PLXNA4: variants seen among roughly 807,000 people sequenced by gnomAD.
PLXNA4 encodes plexin A4.
PLXNA4 carries 44 observed loss-of-function variants against 191.8 expected under a neutral mutation model. That is an observed-to-expected ratio of 0.23 (90% CI 0.18 to 0.29). The LOEUF is 0.29. Ranked by LOEUF, PLXNA4 falls within the 10% of genes least tolerant of loss-of-function variation. The pLI is 1.00. For synonymous variants in PLXNA4, 1,082 were observed against 1,009.5 expected (o/e 1.07, Z -1.36); for missense variants, 1,800 against 2,488.8 (o/e 0.72, Z 5.89).
At chr7:132,580,979 G>A (rs926827112), upstream of PLXNA4, among the ~76,000 whole-genome samples, 1 of 152,244 alleles carries the variant, frequency 6.6e-6, no homozygotes, top group African/African-American at 2.4e-5. Context: ...CAGTGACACA[G>A]GTGAGGCCAG....
chr7:132,414,419 C>T (rs1043034439), intron 3 of PLXNA4, among the ~76,000 whole-genome samples: 2 of 152,068 alleles, frequency 1.3e-5, no homozygotes, highest in African/African-American at 2.4e-5. Flanking sequence ...TAAAGACTTC[C>T]GGAGGGGAAA....
intron 3 of PLXNA4, among the ~76,000 whole-genome samples, chr7:132,396,424 G>A (rs1278392594): frequency 2.0e-5 from 3 of 152,310 alleles, no homozygotes; most frequent in Admixed American, 2.0e-4. Flanking sequence ...CCACAGAGAG[G>A]TTAAGTAGCA....
chr7:132,164,560 C>A (rs1796043549), intron 23 of PLXNA4, among the ~76,000 whole-genome samples: 1 of 152,168 alleles, frequency 6.6e-6, no homozygotes, highest in Non-Finnish European at 1.5e-5. Flanking sequence ...TCTTCCTCCC[C>A]CGCTCCCCTC....
At position 132,255,564 on chromosome 7, in the gene PLXNA4, T is replaced by G. The variant is rs185703626; in HGVS notation, c.1504-14398A>C. On this transcript the variant is annotated intron_variant, in intron 4 of 31. Coordinates refer to ENST00000321063, the MANE Select transcript of PLXNA4 (RefSeq NM_020911.2). ...TTTCCAGATGTGTCCCTGTGATTGC[T>G]GAATACTTCAGCCCTCAGTTACCAT... Among the ~76,000 whole-genome samples, 14 of 152,356 alleles carry G rather than the reference T, an allele frequency of 9.2e-5. No homozygotes were observed. In the East Asian group the frequency reaches 2.5e-3, roughly 27 times the overall value.
rs145828587 is a variant in PLXNA4 at position 132,191,772 on chromosome 7, ATCTC to A, written c.2856+2286_2856+2289del. ...GGCGAATGTCATCCCTCCTCTCTCC[ATCTC>A]TCTCTCTCTCTCTCTCTCTGTCTCT... On this transcript the variant is annotated intron_variant, in intron 14 of 31. Coordinates refer to ENST00000321063, the MANE Select transcript of PLXNA4 (RefSeq NM_020911.2). Among the ~76,000 whole-genome samples the A allele has an allele frequency of 1.5e-4, 21 of 142,706 alleles. No homozygotes were observed. The Middle Eastern group carries it at 0.018, about 120-fold the overall frequency. 93.6% of individuals were successfully genotyped at this position (142,706 alleles called of 152,430 possible).
chr7:132,425,956 C>T (rs1173484320), intron 3 of PLXNA4, among the ~76,000 whole-genome samples: 2 of 152,334 alleles, frequency 1.3e-5, no homozygotes, highest in South Asian at 2.1e-4. Flanking sequence ...GTGGCCCCAA[C>T]TCCCTGTCCC....
At chr7:132,387,844 T>G (rs1000203215) in intron 3 of PLXNA4, among the ~76,000 whole-genome samples, 1 of 152,136 alleles carries the variant, frequency 6.6e-6, no homozygotes, top group Non-Finnish European at 1.5e-5. Context: ...TCACCAGGTC[T>G]CTATGCCCTC....
At position 132,473,731 on chromosome 7, in the gene PLXNA4, G is replaced by C. The variant is rs1369072353; in HGVS notation, c.1371+15561C>G. Among the ~76,000 whole-genome samples the C allele has an allele frequency of 2.0e-5, 3 of 152,118 alleles. No homozygotes were observed. The East Asian group carries it at 5.8e-4, about 29-fold the overall frequency. ...TCCTGTGTCAGTTTCAGTCATATTA[G>C]AGAAGATCAGCTCCCTGAGAACAAG... is the stretch of plus-strand genomic sequence containing the variant. On this transcript the variant is annotated intron_variant, in intron 3 of 31. Transcript: ENST00000321063.
chr7:132,463,817 T>C (rs186024429), intron 3 of PLXNA4, among the ~76,000 whole-genome samples: 29 of 152,348 alleles, frequency 1.9e-4, no homozygotes, highest in Admixed American at 1.2e-3. Flanking sequence ...AGACATCTTA[T>C]TCCTTCCAGT....
chr7:132,255,031 C>T (rs560858727), intron 4 of PLXNA4, among the ~76,000 whole-genome samples: 1 of 152,230 alleles, frequency 6.6e-6, no homozygotes, highest in Admixed American at 6.5e-5. Context: ...CTCAGCCACC[C>T]TATTTCTGTC....
At chr7:132,644,931 A>AAGAGAG (rs1803837789) in intron 2 of PLXNA4, among the ~76,000 whole-genome samples, 1 of 152,184 alleles carries the variant, frequency 6.6e-6, no homozygotes, top group African/African-American at 2.4e-5. Flanking sequence ...GGTACAGGTC[A>AAGAGAG]AGAGAGATGG....
chr7:132,390,397 T>C (rs1422734498), intron 3 of PLXNA4, among the ~76,000 whole-genome samples: 2 of 151,606 alleles, frequency 1.3e-5, no homozygotes, highest in Admixed American at 1.3e-4. Flanking sequence ...GAGGGTAACA[T>C]CACACACTGG....
chr7:132,219,907 G>A (rs966817879), intron 9 of PLXNA4, among the ~76,000 whole-genome samples: 1 of 152,130 alleles, frequency 6.6e-6, no homozygotes, highest in South Asian at 2.1e-4. Flanking sequence ...TAGCCTAGGG[G>A]CAATAGGCTA....
chr7:132,417,122 C>T (rs531876745), intron 3 of PLXNA4, among the ~76,000 whole-genome samples: 8 of 152,094 alleles, frequency 5.3e-5, no homozygotes, highest in South Asian at 2.1e-4. Flanking sequence ...CAGGGACTCC[C>T]GCTTCCCCCT....
At chr7:132,209,256 T>G (rs1353401658) in intron 10 of PLXNA4, among the ~76,000 whole-genome samples, 2 of 152,198 alleles carry the variant, frequency 1.3e-5, no homozygotes, top group African/African-American at 4.8e-5. Flanking sequence ...CTATCCACCC[T>G]CCTGACATCC....
At position 132,507,623 on chromosome 7, in the gene PLXNA4, G is replaced by T; in HGVS notation, c.1071C>A (p.Ile357=). The T allele has an allele frequency of 6.2e-7, 1 of 1,614,212 alleles. No homozygotes were observed. Among genetic ancestry groups the T allele is most frequent in the Non-Finnish European group, 8.5e-7 (1 of 1,180,034 alleles). The change falls in exon 2 of 32, where the codon ATC becomes ATA. Residue 357 remains isoleucine, a synonymous_variant. Coordinates refer to ENST00000321063, the MANE Select transcript of PLXNA4 (RefSeq NM_020911.2). ...GGTCATTTATCTGCTTCAAGATGAA[G>T]ATGCACAGGGCCGACTCATCCAGGG... ...MKSLDESALC[I]FILKQINDRI...
chr7:132,363,236 C>T lies in PLXNA4; in HGVS notation c.1372-65014G>A, dbSNP rs189901307. On this transcript the variant is annotated intron_variant, in intron 3 of 31. Coordinates refer to ENST00000321063, the MANE Select transcript of PLXNA4 (RefSeq NM_020911.2). ...CTGACCTCAAGTGATCCACCCATCT[C>T]GGCCTCCCAAAGTGTTGTGATTACA... Among the ~76,000 whole-genome samples, 17 of 152,310 alleles carry T rather than the reference C, an allele frequency of 1.1e-4. No individual in the cohort carries two copies. In the East Asian group the frequency reaches 1.2e-3, roughly 10 times the overall value.
At chr7:132,301,544 C>T (rs1416827760) in intron 3 of PLXNA4, among the ~76,000 whole-genome samples, 1 of 152,222 alleles carries the variant, frequency 6.6e-6, no homozygotes, top group African/African-American at 2.4e-5. Context: ...ACAGGCTGCA[C>T]CCTTACCAGG....
intron 2 of PLXNA4, among the ~76,000 whole-genome samples, chr7:132,640,057 G>A (rs181546607): frequency 6.6e-6 from 1 of 152,210 alleles, no homozygotes. Context: ...ACTAAGACAG[G>A]ATTTGGCCTT....
Sources: gnomAD v4.1 joint callset for allele counts (sites outside exome capture counted in the v4.1 genomes callset) on GRCh38, gnomAD v4.1.1 for gene constraint, MANE v1.5 for transcripts, NCBI Gene and HGNC (gene_info 2026-07-23, HGNC 2026-07-21) for gene names.